Variants in ANO3 observed in about 807,000 individuals in gnomAD.
ANO3 encodes anoctamin 3.
Under a neutral mutation model 144.8 loss-of-function variants are expected in ANO3, and 99 were observed. That is an observed-to-expected ratio of 0.68 (90% CI 0.58 to 0.81). The LOEUF (loss-of-function observed/expected upper bound fraction) is 0.81, where lower values mean the gene tolerates loss of function less well. Ranked by LOEUF, ANO3 falls within the 30% of genes least tolerant of loss-of-function variation. ANO3 has a pLI of 0.00. For synonymous variants in ANO3, 414 were observed against 392.6 expected (o/e 1.05, Z -0.64); for missense variants, 905 against 1,202.2 (o/e 0.75, Z 3.66).
intron 18 of ANO3, among the ~76,000 whole-genome samples, chr11:26,629,059 C>T (rs1175261242): frequency 6.6e-6 from 1 of 152,130 alleles, no homozygotes; most frequent in Non-Finnish European, 1.5e-5. Context: ...GAGGCAACTA[C>T]ACTAGGGTAT....
chr11:26,332,058 C>A (rs1003584210), upstream of ANO3: 2 of 1,390,352 alleles, frequency 1.4e-6, no homozygotes, highest in South Asian at 1.5e-5. Flanking sequence ...CCAGAGTAGC[C>A]GCTAAGGGGA....
chr11:26,657,201 T>G (rs941435856), intron 26 of ANO3, among the ~76,000 whole-genome samples: 3 of 152,150 alleles, frequency 2.0e-5, no homozygotes, highest in Non-Finnish European at 4.4e-5. Context: ...TGACTAAGAC[T>G]TTTGGAACAA....
At chr11:26,250,094 A>ATTATAAGGGAGAATGAGAAAT (rs1852892752) in intron 1 of ANO3, among the ~76,000 whole-genome samples, 1 of 152,196 alleles carries the variant, frequency 6.6e-6, no homozygotes, top group Non-Finnish European at 1.5e-5. Flanking sequence ...CTACAACCTA[A>ATTATAAGGGAGAATGAGAAAT]TTATAAGGGA....
At chr11:26,431,727 T>A (rs1226841201) in intron 1 of ANO3, among the ~76,000 whole-genome samples, 1 of 152,196 alleles carries the variant, frequency 6.6e-6, no homozygotes, top group Admixed American at 6.5e-5. Flanking sequence ...AAGGACATGA[T>A]CTTGTTCTTT....
At chr11:26,460,730 A>G (rs528745102) in intron 3 of ANO3, among the ~76,000 whole-genome samples, 29 of 152,046 alleles carry the variant, frequency 1.9e-4, no homozygotes, top group Non-Finnish European at 3.2e-4. Flanking sequence ...ATCTCTGCCT[A>G]GAAAACTAAA....
intron 6 of ANO3, among the ~76,000 whole-genome samples, chr11:26,523,462 G>A (rs1348814753): frequency 3.9e-5 from 6 of 152,204 alleles, no homozygotes; most frequent in Non-Finnish European, 8.8e-5. Context: ...ACAGGGGACT[G>A]CTACCTCCCT....
intron 1 of ANO3, among the ~76,000 whole-genome samples, chr11:26,234,070 C>G (rs911693809): frequency 6.6e-6 from 1 of 152,062 alleles, no homozygotes; most frequent in Non-Finnish European, 1.5e-5. Flanking sequence ...ATGTAACAAG[C>G]CTGCACGTTC....
intron 4 of ANO3, among the ~76,000 whole-genome samples, chr11:26,475,309 A>C (rs1030911802): frequency 2.0e-5 from 3 of 151,992 alleles, no homozygotes; most frequent in Non-Finnish European, 4.4e-5. Flanking sequence ...CGGTTAACTA[A>C]GGTCAGATAG....
rs564867490 is a variant in ANO3, at chr11:26,549,439, A to T, written c.1289+1889A>T. On this transcript the variant is annotated intron_variant, in intron 12 of 26. Coordinates refer to ENST00000256737, the MANE Select transcript of ANO3 (RefSeq NM_031418.4). ...TGTTATCATGGTGGGTGGGGGAAGG[A>T]GAGCAAGCTTTTATTTTGTGTGGAC... Among the ~76,000 whole-genome samples the T allele has an allele frequency of 2.6e-5, 4 of 152,064 alleles. No homozygotes were observed. In the East Asian group the frequency reaches 5.8e-4, roughly 22 times the overall value.
chr11:26,309,291 A>AG (rs1854454658), upstream of ANO3, among the ~76,000 whole-genome samples: 1 of 152,182 alleles, frequency 6.6e-6, no homozygotes, highest in African/African-American at 2.4e-5. Flanking sequence ...GCAAAGGAAA[A>AG]GGTACAGCCT....
At chr11:26,189,954 T>C (rs1226290845) in intron 1 of ANO3, among the ~76,000 whole-genome samples, 3 of 152,156 alleles carry the variant, frequency 2.0e-5, no homozygotes, top group African/African-American at 7.2e-5. Flanking sequence ...ACACTAATAG[T>C]TTGCATTCAT....
intron 14 of ANO3, among the ~76,000 whole-genome samples, chr11:26,582,922 G>T (rs147060293): frequency 0.013 from 1,906 of 152,212 alleles, 35 homozygotes; most frequent in African/African-American, 0.043. Context: ...TGAGGAAAAG[G>T]CTTGAGAAAA....
At chr11:26,620,814 G>A (rs929127255) in intron 17 of ANO3, among the ~76,000 whole-genome samples, 8 of 152,232 alleles carry the variant, frequency 5.3e-5, no homozygotes, top group Admixed American at 2.0e-4. Context: ...CAATTACAGT[G>A]CAAATAAGCT....
chr11:26,583,068 T>C (rs1456310995), intron 14 of ANO3, among the ~76,000 whole-genome samples: 1 of 152,240 alleles, frequency 6.6e-6, no homozygotes, highest in Non-Finnish European at 1.5e-5. Flanking sequence ...TAAATGCTAC[T>C]GAAATGTCTA....
chr11:26,599,425 G>T, intron 16 of ANO3, 125 bp from the exon 17 acceptor site: 1 of 976,116 alleles, frequency 1.0e-6, no homozygotes, highest in Non-Finnish European at 1.5e-6. Context: ...ATTAAATCTA[G>T]ATATCCTTTC....
chr11:26,561,130 T>C (rs762790051), intron 14 of ANO3: 3 of 1,612,838 alleles, frequency 1.9e-6, no homozygotes, highest in Non-Finnish European at 2.5e-6. Context: ...TTTTCTTCAC[T>C]TTCTGGCATG....
rs370067461 is a variant in ANO3, at chr11:26,529,127, A to AT, written c.738-2077dup. 7.9e-4 allele frequency among the ~76,000 whole-genome samples: 2 copies of AT among 2,522 alleles called. 1 individual carries two copies. Among genetic ancestry groups the AT allele is most frequent in the African/African-American group, 8.5e-4 (2 of 2,340 alleles). The allele number at this position is 2,522 out of a possible 152,430, so 1.7% of individuals were successfully genotyped here. A position where few individuals can be genotyped will look rare whatever the true frequency, so the allele number is the denominator to read the frequency against. ...ATATATTATTAATAATATATATTAT[A>AT]TATAATATATATTATATAATAATAT... On this transcript the variant is annotated intron_variant, in intron 7 of 26. Coordinates refer to ENST00000256737, the MANE Select transcript of ANO3 (RefSeq NM_031418.4).
chr11:26,645,853 A>T (rs933293846), intron 23 of ANO3, among the ~76,000 whole-genome samples: 125 of 152,328 alleles, frequency 8.2e-4, no homozygotes, highest in African/African-American at 2.9e-3. Context: ...ATACCCCAGA[A>T]CCTAAAATTA....
intron 18 of ANO3, among the ~76,000 whole-genome samples, chr11:26,625,422 A>G (rs1331056910): frequency 6.6e-6 from 1 of 152,176 alleles, no homozygotes; most frequent in Admixed American, 6.5e-5. Flanking sequence ...TATCTGATAA[A>G]CACAGTTATT....
Sources: gnomAD v4.1 joint callset for allele counts (sites outside exome capture counted in the v4.1 genomes callset) on GRCh38, gnomAD v4.1.1 for gene constraint, MANE v1.5 for transcripts, NCBI Gene and HGNC (gene_info 2026-07-23, HGNC 2026-07-21) for gene names.